Variants in PTCHD4 observed in about 807,000 individuals in gnomAD.
PTCHD4 encodes patched domain-containing protein 4.
Under a neutral mutation model 58.1 loss-of-function variants are expected in PTCHD4, and 33 were observed. The observed-to-expected ratio is 0.57, with a 90% confidence interval of 0.43 to 0.76. The LOEUF (loss-of-function observed/expected upper bound fraction) is 0.76, where lower values mean the gene tolerates loss of function less well. PTCHD4 is among the 30% of genes least tolerant of loss of function. PTCHD4 has a pLI of 0.00. For synonymous variants in PTCHD4, 478 were observed against 409.6 expected (o/e 1.17, Z -2.02); for missense variants, 1,058 against 1,027.1 (o/e 1.03, Z -0.41).
rs757247401 is a variant in PTCHD4 at position 47,879,716 on chromosome 6, C to T, written c.1119G>A (p.Leu373=). The change falls in exon 5 of 5, where the codon CTG becomes CTA. Residue 373 remains leucine (L), a synonymous_variant. Transcript: ENST00000339488. The part of the protein sequence containing the change: ...VFCQNMCVSI[L]LNYFYIFSFF... ...AGGAGAAAATGTAGAAGTAGTTCAA[C>T]AGAATAGAGACACACATGTTTTGAC... 4 of 1,613,654 alleles carry T rather than the reference C, an allele frequency of 2.5e-6. No individual in the cohort carries two copies. Among genetic ancestry groups the T allele is most frequent in the Non-Finnish European group, 3.4e-6 (4 of 1,179,762 alleles).
chr6:48,057,274 T>C (rs1182865544), intron 3 of PTCHD4, among the ~76,000 whole-genome samples: 1 of 151,784 alleles, frequency 6.6e-6, no homozygotes, highest in Non-Finnish European at 1.5e-5. Context: ...TGGCTTTCAA[T>C]GTCTTTCTGT....
chr6:48,038,958 A>G (rs1191255849), intron 3 of PTCHD4, among the ~76,000 whole-genome samples: 2 of 152,184 alleles, frequency 1.3e-5, no homozygotes, highest in Admixed American at 6.5e-5. Context: ...GTGAATATAA[A>G]TTGGCAGAAC....
At chr6:48,030,942 G>A (rs928128388) in intron 3 of PTCHD4, among the ~76,000 whole-genome samples, 2 of 152,078 alleles carry the variant, frequency 1.3e-5, no homozygotes, top group Non-Finnish European at 2.9e-5. Context: ...GACTCAGAAA[G>A]TCTTTAATGG....
At chr6:47,891,599 T>A (rs1374461936) in intron 4 of PTCHD4, among the ~76,000 whole-genome samples, 1 of 152,230 alleles carries the variant, frequency 6.6e-6, no homozygotes, top group Non-Finnish European at 1.5e-5. Context: ...CTAAGATAAC[T>A]ATTATTAAGA....
chr6:47,879,225 C>G lies in PTCHD4; in HGVS notation c.1610G>C (p.Arg537Thr). Residue 537 changes from arginine (R) to threonine (T), a missense_variant, in exon 5 of 5, where the codon AGA (arginine) becomes ACA (threonine). Transcript: ENST00000339488. ...CACTGCAGTGAATCCACTACAGAGTCTTCTTAGGTCATCCTGGACGCTGCT... is the reference window on the plus strand; with the variant it reads ...CACTGCAGTGAATCCACTACAGAGTGTTCTTAGGTCATCCTGGACGCTGCT... ...WNSSVQDDLR[R>T]LCSGFTAVSW... The G allele has an allele frequency of 6.2e-7, 1 of 1,613,006 alleles. No homozygotes were observed. The highest frequency in any genetic ancestry group is 2.2e-5 in the East Asian group (1 of 44,828).
intron 4 of PTCHD4, among the ~76,000 whole-genome samples, chr6:47,910,373 A>G (rs1765031861): frequency 6.6e-6 from 1 of 152,076 alleles, no homozygotes; most frequent in Non-Finnish European, 1.5e-5. Context: ...TTGAACAACC[A>G]CAGCACAGAG....
rs114466323 is a variant in PTCHD4 at position 48,050,377 on chromosome 6, G to C, written c.417+17853C>G. Among the ~76,000 whole-genome samples the C allele has an allele frequency of 8.5e-3, 1,293 of 152,042 alleles. 22 individuals are homozygous for C. The highest frequency in any genetic ancestry group is 0.029 in the African/African-American group (1,191 of 41,504). On this transcript the variant is annotated intron_variant, in intron 3 of 4. Coordinates refer to ENST00000339488, the MANE Select transcript of PTCHD4 (RefSeq NM_001384253.1). ...CCACTTTTAATCTTGAGTTTCCCAT[G>C]AAAAATATCAAAAACAACTTTAGAT... is the stretch of plus-strand genomic sequence containing the variant.
At position 48,009,737 on chromosome 6, in the gene PTCHD4, C is replaced by G. The variant is rs545325333; in HGVS notation, c.418-623G>C. Among the ~76,000 whole-genome samples, 5 of 152,232 alleles carry G rather than the reference C, an allele frequency of 3.3e-5. No individual in the cohort carries two copies. In the South Asian group the frequency reaches 1.0e-3, roughly 32 times the overall value. Reference sequence around the variant, plus strand: ...ATATTTCCTAAATATGATGTGAACACCTATTCATACATTACAATGCTCTCT... The same window carrying G: ...ATATTTCCTAAATATGATGTGAACAGCTATTCATACATTACAATGCTCTCT... On this transcript the variant is annotated intron_variant, in intron 3 of 4. Coordinates refer to ENST00000339488, the MANE Select transcript of PTCHD4 (RefSeq NM_001384253.1).
chr6:48,056,207 T>C (rs1434343173), intron 3 of PTCHD4, among the ~76,000 whole-genome samples: 1 of 152,188 alleles, frequency 6.6e-6, no homozygotes, highest in Non-Finnish European at 1.5e-5. Context: ...ACAATACATA[T>C]CCTCAAAAGC....
intron 1 of PTCHD4, among the ~76,000 whole-genome samples, chr6:48,098,916 C>T (rs923689600): frequency 2.0e-5 from 3 of 152,036 alleles, no homozygotes; most frequent in South Asian, 2.1e-4. Context: ...TTTGAAATTG[C>T]TCCATACACA....
chr6:48,102,295 GT>G (rs2113913494), intron 1 of PTCHD4, among the ~76,000 whole-genome samples: 1 of 152,346 alleles, frequency 6.6e-6, no homozygotes, highest in African/African-American at 2.4e-5. Flanking sequence ...TAGCCTAGAT[GT>G]GAGTGAGGAA....
chr6:48,066,894 T>G (rs1336003727), intron 3 of PTCHD4, among the ~76,000 whole-genome samples: 1 of 151,986 alleles, frequency 6.6e-6, no homozygotes, highest in Non-Finnish European at 1.5e-5. Context: ...AAAGATTTTT[T>G]CTCTCAAAAC....
intron 3 of PTCHD4, among the ~76,000 whole-genome samples, chr6:48,039,086 G>A (rs116656489): frequency 0.011 from 1,696 of 152,204 alleles, 36 homozygotes; most frequent in African/African-American, 0.037. Flanking sequence ...TGCACTTGGA[G>A]ACAGGCACAA....
chr6:47,909,741 CT>C (rs1284990556), intron 4 of PTCHD4, among the ~76,000 whole-genome samples: 3 of 151,542 alleles, frequency 2.0e-5, no homozygotes, highest in African/African-American at 7.3e-5. Context: ...CATGCCTGGA[CT>C]TTTTTTTTCT....
At chr6:47,950,248 A>G (rs1309624690) in intron 4 of PTCHD4, among the ~76,000 whole-genome samples, 1 of 152,100 alleles carries the variant, frequency 6.6e-6, no homozygotes, top group African/African-American at 2.4e-5. Flanking sequence ...GAGGGTTTGA[A>G]GGGGGAAAGT....
intron 4 of PTCHD4, among the ~76,000 whole-genome samples, chr6:47,935,530 G>A (rs1478053093): frequency 6.6e-6 from 1 of 152,120 alleles, no homozygotes; most frequent in Non-Finnish European, 1.5e-5. Context: ...ACAGCATCAA[G>A]GGAGGCCTCA....
chr6:48,023,941 G>C (rs1282965819), intron 3 of PTCHD4, among the ~76,000 whole-genome samples: 1 of 152,134 alleles, frequency 6.6e-6, no homozygotes, highest in South Asian at 2.1e-4. Flanking sequence ...AGGCAATATG[G>C]CTTGCAGTAG....
At chr6:47,990,836 G>T (rs1480201903) in intron 4 of PTCHD4, among the ~76,000 whole-genome samples, 1 of 151,992 alleles carries the variant, frequency 6.6e-6, no homozygotes, top group Non-Finnish European at 1.5e-5. Flanking sequence ...AAAACTTGTA[G>T]AAATAAAAAT....
intron 4 of PTCHD4, among the ~76,000 whole-genome samples, chr6:47,980,367 T>C (rs1310286188): frequency 6.8e-6 from 1 of 146,870 alleles, no homozygotes; most frequent in African/African-American, 2.5e-5. Flanking sequence ...CACTCATTGC[T>C]TCTTCATACC....
Sources: allele counts gnomAD v4.1 joint callset (sites outside exome capture counted in the v4.1 genomes callset), GRCh38; gene constraint gnomAD v4.1.1; transcripts MANE v1.5; gene names NCBI Gene and HGNC (gene_info 2026-07-23, HGNC 2026-07-21).